Variants in GRID2 observed in about 807,000 individuals in gnomAD.
GRID2 encodes glutamate ionotropic receptor delta type subunit 2.
Under a neutral mutation model 114.8 loss-of-function variants are expected in GRID2, and 33 were observed. The observed-to-expected ratio is 0.29, with a 90% CI of 0.22 to 0.38. GRID2 has a LOEUF of 0.38. GRID2 is among the 10% of genes least tolerant of loss of function. GRID2 has a pLI of 1.00. For synonymous variants in GRID2, 505 were observed against 449.9 expected (o/e 1.12, Z -1.55); for missense variants, 1,184 against 1,257.7 (o/e 0.94, Z 0.89).
chr4:92,339,953 A>G (rs1157458042), intron 1 of GRID2, among the ~76,000 whole-genome samples: 3 of 152,172 alleles, frequency 2.0e-5, no homozygotes, highest in Non-Finnish European at 4.4e-5. Context: ...GAAAACACAT[A>G]ACTGAGCTTA....
At chr4:93,736,686 T>C (rs1347574025) in intron 14 of GRID2, among the ~76,000 whole-genome samples, 1 of 151,970 alleles carries the variant, frequency 6.6e-6, no homozygotes, top group African/African-American at 2.4e-5. Context: ...AATAAGTCAA[T>C]TATTATTTTA....
At chr4:92,711,112 TG>T (rs1735222825) in intron 2 of GRID2, among the ~76,000 whole-genome samples, 1 of 152,156 alleles carries the variant, frequency 6.6e-6, no homozygotes, top group African/African-American at 2.4e-5. Context: ...ACTTATACTT[TG>T]TACTATTTTT....
chr4:92,745,864 T>C (rs1303587665), intron 2 of GRID2, among the ~76,000 whole-genome samples: 1 of 152,086 alleles, frequency 6.6e-6, no homozygotes, highest in East Asian at 1.9e-4. Context: ...ATAAGTGATA[T>C]AAAAGAAAAA....
At chr4:92,770,800 C>T (rs977947537) in intron 2 of GRID2, among the ~76,000 whole-genome samples, 14 of 152,248 alleles carry the variant, frequency 9.2e-5, no homozygotes, top group Non-Finnish European at 1.8e-4. Context: ...CACGACACCT[C>T]GGAATTGTGG....
chr4:93,180,762 A>G lies in GRID2; in HGVS notation c.736-26642A>G, dbSNP rs890367044. ...TTTTATTGCTCATTCACTAGATTCA[A>G]TGCTTCATTCATTCAAATTTAATCA... is the stretch of plus-strand genomic sequence containing the variant. On this transcript the variant is annotated intron_variant, in intron 4 of 15. Transcript: ENST00000282020. 4.6e-5 allele frequency among the ~76,000 whole-genome samples: 7 copies of G among 152,258 alleles called. No homozygotes were observed. In the East Asian group the frequency reaches 1.4e-3, roughly 29 times the overall value.
chr4:93,405,029 A>G (rs944502974), intron 9 of GRID2, among the ~76,000 whole-genome samples: 8 of 152,122 alleles, frequency 5.3e-5, no homozygotes, highest in African/African-American at 1.9e-4. Flanking sequence ...GATGTAAATA[A>G]TATTCACCAA....
intron 1 of GRID2, among the ~76,000 whole-genome samples, chr4:92,427,707 A>G (rs1368670481): frequency 6.6e-6 from 1 of 152,204 alleles, no homozygotes; most frequent in Non-Finnish European, 1.5e-5. Context: ...AGACCAAGTT[A>G]TCTTGGTTTC....
intron 13 of GRID2, among the ~76,000 whole-genome samples, chr4:93,555,412 G>C (rs1734217288): frequency 6.6e-6 from 1 of 152,138 alleles, no homozygotes; most frequent in Non-Finnish European, 1.5e-5. Flanking sequence ...GGATGCTCGA[G>C]CTTGGTGCGG....
rs1731038183 is a variant in GRID2 at position 92,635,776 on chromosome 4, T to G, written c.244+45490T>G. Among the ~76,000 whole-genome samples the G allele has an allele frequency of 2.0e-5, 3 of 152,232 alleles. No individual in the cohort carries two copies. In the South Asian group the frequency reaches 6.2e-4, roughly 32 times the overall value. ...AATGATCTTCAGTATTTCAATGATT[T>G]CAGGTACACCATGTTGCTACCAATT... On this transcript the variant is annotated intron_variant, in intron 2 of 15. Transcript: ENST00000282020.
intron 1 of GRID2, among the ~76,000 whole-genome samples, chr4:92,344,301 A>G (rs1384875713): frequency 1.3e-5 from 2 of 152,146 alleles, no homozygotes; most frequent in Non-Finnish European, 2.9e-5. Context: ...TTATTTGTAA[A>G]TAAAAGTATT....
intron 1 of GRID2, among the ~76,000 whole-genome samples, chr4:93,788,381 G>A (rs772972920): frequency 2.0e-5 from 3 of 151,858 alleles, no homozygotes; most frequent in Non-Finnish European, 4.4e-5. Flanking sequence ...TGGAGTCTCA[G>A]GATAAGCAGA....
At chr4:92,532,072 C>G (rs545548019) in intron 1 of GRID2, among the ~76,000 whole-genome samples, 152 of 152,174 alleles carry the variant, frequency 1.0e-3, no homozygotes, top group African/African-American at 3.3e-3. Context: ...GTTGAGTGGC[C>G]ACTAGCATTT....
chr4:92,689,567 G>A (rs1015924142), intron 2 of GRID2, among the ~76,000 whole-genome samples: 1 of 152,204 alleles, frequency 6.6e-6, no homozygotes, highest in African/African-American at 2.4e-5. Flanking sequence ...ATCCTGTTGT[G>A]TGAACTGCAC....
At chr4:92,440,109 C>G (rs531313779) in intron 1 of GRID2, among the ~76,000 whole-genome samples, 1 of 145,962 alleles carries the variant, frequency 6.9e-6, no homozygotes. Context: ...TTCTGAGAAA[C>G]GAAAGTGGTA....
At chr4:93,187,251 T>C (rs1479506048) in intron 4 of GRID2, among the ~76,000 whole-genome samples, 1 of 152,150 alleles carries the variant, frequency 6.6e-6, no homozygotes, top group African/African-American at 2.4e-5. Context: ...ATATATTTAT[T>C]CCAGACGAAT....
In GRID2 at chr4:93,717,519, T is replaced by C. The variant is rs140268992; in HGVS notation, c.2361-51691T>C. Among the ~76,000 whole-genome samples the C allele has an allele frequency of 1.6e-4, 25 of 152,278 alleles. No individual in the cohort carries two copies. In the East Asian group the frequency reaches 4.2e-3, roughly 26 times the overall value. On this transcript the variant is annotated intron_variant, in intron 14 of 15. Transcript: ENST00000282020. ...CATTACTTAAGCACTGCTAACTATC[T>C]TTTAAAAATATATTTGCTGTAGTGT... is the stretch of plus-strand genomic sequence containing the variant.
downstream of GRID2, among the ~76,000 whole-genome samples, chr4:93,779,160 T>G (rs1734430165): frequency 6.6e-6 from 1 of 151,986 alleles, no homozygotes; most frequent in Non-Finnish European, 1.5e-5. Flanking sequence ...CATCACTAAA[T>G]GAAGTTTTAG....
At chr4:93,394,987 G>A (rs1190683949) in intron 8 of GRID2, among the ~76,000 whole-genome samples, 1 of 151,990 alleles carries the variant, frequency 6.6e-6, no homozygotes. Flanking sequence ...TACTATTTGG[G>A]TGAGTAAAGA....
intron 15 of GRID2, 35 bp downstream of exon 15, chr4:93,769,485 C>G: frequency 6.2e-7 from 1 of 1,607,772 alleles, no homozygotes; most frequent in Non-Finnish European, 8.5e-7. Flanking sequence ...TAAATTGAAT[C>G]AACAAGCAGG....
Sources: gnomAD v4.1 joint callset for allele counts (sites outside exome capture counted in the v4.1 genomes callset) on GRCh38, gnomAD v4.1.1 for gene constraint, MANE v1.5 for transcripts, NCBI Gene and HGNC (gene_info 2026-07-23, HGNC 2026-07-21) for gene names.